The following ZNF687 variants were observed in gnomAD, a reference collection of about 807,000 sequenced individuals.
ZNF687 encodes zinc finger protein 687.
In ZNF687, 13 loss-of-function variants were observed where a neutral mutation model predicts 71.8. The ratio of observed to expected loss-of-function variants is 0.18; its 90% CI spans 0.12 to 0.29. The LOEUF is 0.29. ZNF687 is among the 10% of genes least tolerant of loss of function. The pLI, the probability that ZNF687 is intolerant of heterozygous loss-of-function variation, is 1.00. For synonymous variants in ZNF687, 673 were observed against 641.6 expected (o/e 1.05, Z -0.74); for missense variants, 1,412 against 1,625.6 (o/e 0.87, Z 2.26).
chr1:151,282,474 C>A (rs1347522384), intron 1 of ZNF687, 79 bp downstream of exon 1: 1 of 949,900 alleles, frequency 1.1e-6, no homozygotes, highest in Non-Finnish European at 1.3e-6. Context: ...GCCCCTCCCC[C>A]ACTTGGTCAA....
chr1:151,282,345 T>G lies in ZNF687; in HGVS notation c.-68T>G. 1.0e-6 allele frequency: 1 copy of G among 999,994 alleles called. No individual in the cohort carries two copies. Among genetic ancestry groups the G allele is most frequent in the Non-Finnish European group, 1.2e-6 (1 of 836,788 alleles). 61.9% of individuals were successfully genotyped at this position (999,994 alleles called of 1,614,324 possible). A position where few individuals can be genotyped will look rare whatever the true frequency, so the allele number is the denominator to read the frequency against. On this transcript the variant is annotated 5_prime_UTR_variant, in exon 1 of 9. Coordinates refer to ENST00000336715, the MANE Select transcript of ZNF687 (RefSeq NM_020832.3). ...GGAGGGCGGCGGTGGCTGCAGCGGC[T>G]GGAGCGGGGTAGAGACCGCCGGGTC...
intron 1 of ZNF687, chr1:151,283,019 C>G: frequency 3.0e-6 from 2 of 669,968 alleles, no homozygotes; most frequent in Non-Finnish European, 3.7e-6. Context: ...CCCACCCTAT[C>G]CTGTGTAGTC....
intron 1 of ZNF687, chr1:151,283,298 A>C (rs1365542968): frequency 1.0e-6 from 1 of 985,280 alleles, no homozygotes; most frequent in African/African-American, 1.7e-5. Flanking sequence ...TCTGCGCTGC[A>C]GGCCTTGGGC....
chr1:151,291,258 T>C lies in ZNF687; in HGVS notation c.*49T>C, dbSNP rs1483096297. On this transcript the variant is annotated 3_prime_UTR_variant, in exon 9 of 9. Transcript: ENST00000336715. ...GCCCCTTCCTCTTGGAGCCTGGTTT[T>C]CCCTACTGCTGCCTGATCCCTCGGC... The C allele has an allele frequency of 6.5e-7, 1 of 1,543,138 alleles. No homozygotes were observed. The highest frequency in any genetic ancestry group is 2.3e-5 in the East Asian group (1 of 44,056).
Position 151,290,001 on chromosome 1 carries a change from TG to T in ZNF687, c.2960del (p.Gly987AlafsTer4). ...ACGTGGCCCACATGAAGAAGGAGCA[TG>T]GCAAGGTGAGTGGGCCCCAAGGGGA... ...EYVAHMKKEH[G>X]KSVKKFPCRL... On this transcript the variant is annotated frameshift_variant, in exon 6 of 9. Coordinates refer to ENST00000336715, the MANE Select transcript of ZNF687 (RefSeq NM_020832.3). LOFTEE classifies it high-confidence loss of function. The T allele has an allele frequency of 6.3e-7, 1 of 1,584,950 alleles. No homozygotes were observed. The highest frequency in any genetic ancestry group is 1.1e-5 in the South Asian group (1 of 87,762).
At chr1:151,282,445 G>C (rs1039085088) in intron 1 of ZNF687, 50 bp downstream of exon 1, 1 of 983,820 alleles carries the variant, frequency 1.0e-6, no homozygotes. Context: ...CCCCTTGGGG[G>C]GGGCGGGTAA....
At chr1:151,289,002 A>G (rs1318116027) in intron 3 of ZNF687, 93 bp from the exon 4 acceptor site, 3 of 1,370,542 alleles carry the variant, frequency 2.2e-6, no homozygotes, top group Non-Finnish European at 2.0e-6. Context: ...TCCTTCTTGT[A>G]GTCTACCCAG....
Position 151,291,199 on chromosome 1 carries a change from G to A in ZNF687, c.3704G>A (p.Gly1235Glu). ...AFIRARQGAV[G>E]DN is the part of the protein sequence containing the mutation. ...ATCAGGGCTCGGCAGGGGGCTGTTG[G>A]GGACAACTAGTCTCCAAGGCCTGGG... The change falls in exon 9 of 9, where the codon GGG becomes GAG. Residue 1235 changes from glycine to glutamate, a missense_variant. Gly to Glu is a moderately conservative substitution (Grantham distance 98). This residue lies in a region of ZNF687 where 284 missense variants were observed against 359.2 expected (regional missense o/e 0.79). Transcript: ENST00000336715. 1 of 1,608,446 alleles carries A rather than the reference G, an allele frequency of 6.2e-7. No individual in the cohort carries two copies. Among genetic ancestry groups the A allele is most frequent in the South Asian group, 1.1e-5 (1 of 90,788 alleles).
chr1:151,291,306 A>G lies in ZNF687; in HGVS notation c.*97A>G, dbSNP rs10788803. On this transcript the variant is annotated 3_prime_UTR_variant, in exon 9 of 9. Transcript: ENST00000336715. ...GGCTGGGGAGTTTTCATTAACATTA[A>G]TATTTTGTTAATTCCTGTCTCTCCA... 0.63 allele frequency: 898,750 copies of G among 1,415,556 alleles called. 286,972 individuals are homozygous for G. The highest frequency in any genetic ancestry group is 0.65 in the Non-Finnish European group (694,442 of 1,060,384). 87.7% of individuals were successfully genotyped at this position (1,415,556 alleles called of 1,614,324 possible).
rs766205509 is a variant in ZNF687 at position 151,288,333 on chromosome 1, A to G, written c.2042A>G (p.Gln681Arg). The change falls in exon 2 of 9, where the codon CAG becomes CGG. Residue 681 changes from glutamine (Q) to arginine (R), a missense_variant. Around this residue, in one of 8 missense-constraint regions of ZNF687, gnomAD observed 207 missense variants for 239.2 expected, o/e 0.87. Coordinates refer to ENST00000336715, the MANE Select transcript of ZNF687 (RefSeq NM_020832.3). ...TTTCGCTGCCTGGAGTGCAAGGAAC[A>G]GTGCCGGGACAAGGCTGGCATGGCA... The part of the protein sequence containing the change: ...TCFRCLECKE[Q>R]CRDKAGMAAH... 52 of 1,611,850 alleles carry G rather than the reference A, an allele frequency of 3.2e-5. No homozygotes were observed. The highest frequency in any genetic ancestry group is 4.4e-5 in the Non-Finnish European group (52 of 1,179,982).
intron 1 of ZNF687, chr1:151,284,250 T>C (rs1473087618): frequency 1.0e-6 from 1 of 985,114 alleles, no homozygotes; most frequent in Non-Finnish European, 1.2e-6. Context: ...CTGTGGCAGC[T>C]GTGCTGGAGA....
chr1:151,286,852 G>A lies in ZNF687; in HGVS notation c.561G>A (p.Glu187=), dbSNP rs1557768823. The change falls in exon 2 of 9, where the codon GAG becomes GAA. Residue 187 remains glutamate, a synonymous_variant. Transcript: ENST00000336715. ...CCTCTGCACCCTCTCCCACTCGGGAGGGGGCTCTGACCCCGCCTCCTTTCC... is the reference window on the plus strand; with the variant it reads ...CCTCTGCACCCTCTCCCACTCGGGAAGGGGCTCTGACCCCGCCTCCTTTCC... ...LPPSAPSPTR[E]GALTPPPFPS... 1 of 1,613,902 alleles carries A rather than the reference G, an allele frequency of 6.2e-7. No individual in the cohort carries two copies. Among genetic ancestry groups the A allele is most frequent in the Middle Eastern group, 1.7e-4 (1 of 6,058 alleles).
At chr1:151,288,982 A>G (rs1694075292) in intron 3 of ZNF687, 113 bp from the exon 4 acceptor site, 7 of 1,218,320 alleles carry the variant, frequency 5.7e-6, no homozygotes. Context: ...CTCATGCTCC[A>G]CTACTGATTT....
chr1:151,287,469 G>T lies in ZNF687; in HGVS notation c.1178G>T (p.Gly393Val). The T allele has an allele frequency of 1.2e-6, 2 of 1,614,176 alleles. No homozygotes were observed. The highest frequency in any genetic ancestry group is 1.7e-6 in the Non-Finnish European group (2 of 1,180,032). The stretch of plus-strand genomic sequence containing the variant: ...GTGGTGAGCGTACAGTTGGGTGATG[G>T]TACAAGGCTGAAAGGCACTGTGCTG... ...PKVVSVQLGD[G>V]TRLKGTVLPV... The change falls in exon 2 of 9, where the codon GGT (glycine) becomes GTT (valine). Residue 393 changes from glycine to valine, a missense_variant. By Grantham distance (109) the Gly-to-Val change is moderately radical. Transcript: ENST00000336715. The surrounding 1 kb of genome is among the most constrained non-coding windows in gnomAD (Gnocchi z 5.0).
Position 151,286,932 on chromosome 1 carries a change from C to T in ZNF687, c.641C>T (p.Ser214Phe). ...ENGPGMQPPV[S>F]SPPLGALKQE... is the part of the protein sequence containing the mutation. ...GGCCCAGGCATGCAGCCACCTGTTT[C>T]TTCCCCACCATTGGGGGCCTTGAAG... is the stretch of plus-strand genomic sequence containing the variant. Residue 214 changes from serine to phenylalanine, a missense_variant, in exon 2 of 9, where the codon TCT becomes TTT. Ser to Phe is a radical substitution (Grantham distance 155). Around this residue, in one of 8 missense-constraint regions of ZNF687, gnomAD observed 490 missense variants for 489.9 expected, o/e 1.00. Transcript: ENST00000336715. 1 of 1,612,670 alleles carries T rather than the reference C, an allele frequency of 6.2e-7. No homozygotes were observed. Among genetic ancestry groups the T allele is most frequent in the Non-Finnish European group, 8.5e-7 (1 of 1,179,112 alleles).
chr1:151,289,250 G>C lies in ZNF687; in HGVS notation c.2450G>C (p.Ser817Thr). The stretch of plus-strand genomic sequence containing the variant: ...GCCCACCTCTACTCCCAGCATCCCA[G>C]CTTCCAAACTCAGCAGGCCAAGTGA... ...AHAHLYSQHPSFQTQQAKLIY... is the reference protein window; with the variant it reads ...AHAHLYSQHPTFQTQQAKLIY... The change falls in exon 4 of 9, where the codon AGC becomes ACC. Residue 817 changes from serine to threonine, a missense_variant. Physicochemically the swap from Ser to Thr is moderately conservative, Grantham distance 58. Coordinates refer to ENST00000336715, the MANE Select transcript of ZNF687 (RefSeq NM_020832.3). The C allele has an allele frequency of 6.2e-7, 1 of 1,614,006 alleles. No homozygotes were observed.
Position 151,288,207 on chromosome 1 carries a change from C to T in ZNF687, c.1916C>T (p.Ala639Val), listed in dbSNP as rs773589845. ...ALPALGKGEG[A>V]ITSSAITTVA... Reference sequence around the variant, plus strand: ...CCTGCCTTGGGCAAGGGTGAGGGGGCCATCACCTCCTCTGCCATTACTACA... The same window carrying T: ...CCTGCCTTGGGCAAGGGTGAGGGGGTCATCACCTCCTCTGCCATTACTACA... The change falls in exon 2 of 9, where the codon GCC becomes GTC. Residue 639 changes from alanine (A) to valine (V), a missense_variant. Ala to Val is a moderately conservative substitution (Grantham distance 64). Transcript: ENST00000336715. The T allele has an allele frequency of 1.9e-6, 3 of 1,613,758 alleles. No individual in the cohort carries two copies. The highest frequency in any genetic ancestry group is 1.1e-5 in the South Asian group (1 of 91,078).
chr1:151,286,816 T>C lies in ZNF687; in HGVS notation c.525T>C (p.Asp175=), dbSNP rs2298264. The C allele has an allele frequency of 1.1e-5, 18 of 1,614,180 alleles. No individual in the cohort carries two copies. In the East Asian group the frequency reaches 4.0e-4, roughly 36 times the overall value. Residue 175 remains aspartate, a synonymous_variant, in exon 2 of 9, where the codon GAT becomes GAC. Coordinates refer to ENST00000336715, the MANE Select transcript of ZNF687 (RefSeq NM_020832.3). ...HFGPEPGDHS[D]PLPPSAPSPT... ...GCCCTGAGCCAGGGGACCACTCAGA[T>C]CCGCTGCCTCCCTCTGCACCCTCTC...
chr1:151,284,047 G>A (rs1693845282), intron 1 of ZNF687: 1 of 985,344 alleles, frequency 1.0e-6, no homozygotes, highest in African/African-American at 1.7e-5. Flanking sequence ...TTGGATTAGT[G>A]CCACATAATT....
Sources: gnomAD v4.1 joint callset for allele counts on GRCh38, gnomAD v4.1.1 for gene constraint, gnomAD v4.1.1 regional missense constraint, Gnocchi (gnomAD v3.1) non-coding constraint, MANE v1.5 for transcripts, NCBI Gene and HGNC (gene_info 2026-07-23, HGNC 2026-07-21) for gene names.